PCDH9: variants seen among roughly 807,000 people sequenced by gnomAD.
PCDH9 encodes the protein protocadherin-9.
In PCDH9, 24 loss-of-function variants were observed where a neutral mutation model predicts 70.6. That is an observed-to-expected ratio of 0.34 (90% CI 0.25 to 0.48). The LOEUF is 0.48. Among genes scored for constraint, PCDH9 ranks in the 20% least tolerant of loss-of-function variants. The pLI, the probability that PCDH9 is intolerant of heterozygous loss-of-function variation, is 0.99. For synonymous variants in PCDH9, 562 were observed against 558.5 expected (o/e 1.01, Z -0.09); for missense variants, 1,281 against 1,503.6 (o/e 0.85, Z 2.45).
chr13:66,428,515 C>T (rs958443793), intron 4 of PCDH9, among the ~76,000 whole-genome samples: 2 of 151,796 alleles, frequency 1.3e-5, no homozygotes, highest in East Asian at 3.9e-4. Context: ...TTATTGACAA[C>T]TTTTAGTCCG....
intron 2 of PCDH9, among the ~76,000 whole-genome samples, chr13:66,942,067 A>G (rs1020417910): frequency 2.0e-5 from 3 of 151,936 alleles, no homozygotes; most frequent in African/African-American, 7.2e-5. Context: ...AATATAACCC[A>G]TGGGCCAAAG....
At chr13:66,616,084 G>T (rs1026340272) in intron 4 of PCDH9, among the ~76,000 whole-genome samples, 1 of 152,172 alleles carries the variant, frequency 6.6e-6, no homozygotes, top group South Asian at 2.1e-4. Context: ...TCATACCCTT[G>T]TCTATGCAGT....
chr13:66,537,523 G>T (rs1960760731), intron 4 of PCDH9, among the ~76,000 whole-genome samples: 1 of 152,114 alleles, frequency 6.6e-6, no homozygotes, highest in East Asian at 1.9e-4. Context: ...TGGGCCAAGA[G>T]CATTCCAGGC....
chr13:66,932,679 T>C lies in PCDH9; in HGVS notation c.3037-29074A>G, dbSNP rs142929978. On this transcript the variant is annotated intron_variant, in intron 2 of 4. Coordinates refer to ENST00000377865, the MANE Select transcript of PCDH9 (RefSeq NM_203487.3). ...CCTCACATATATATATATATATATA[T>C]ATACACACACACACACGTATGTATA... Among the ~76,000 whole-genome samples, 826 of 143,338 alleles carry C rather than the reference T, an allele frequency of 5.8e-3. 37 individuals are homozygous for C. Among genetic ancestry groups the C allele is most frequent in the Admixed American group, 0.051 (742 of 14,590 alleles). The allele number at this position is 143,338 out of a possible 152,430, so 94.0% of individuals were successfully genotyped here.
chr13:66,613,059 G>A (rs2077312056), intron 4 of PCDH9, among the ~76,000 whole-genome samples: 1 of 152,110 alleles, frequency 6.6e-6, no homozygotes, highest in Non-Finnish European at 1.5e-5. Flanking sequence ...ACTTCTGAGG[G>A]TGGGGGAAAC....
chr13:66,993,613 A>G (rs2084047230), intron 2 of PCDH9, among the ~76,000 whole-genome samples: 1 of 152,192 alleles, frequency 6.6e-6, no homozygotes, highest in Non-Finnish European at 1.5e-5. Context: ...TATCCTCCTC[A>G]TACCTTGGTT....
intron 4 of PCDH9, among the ~76,000 whole-genome samples, chr13:66,342,812 T>TTATG (rs2138149175): frequency 6.6e-6 from 1 of 151,134 alleles, no homozygotes; most frequent in African/African-American, 2.4e-5. Context: ...ATTTATTTAT[T>TTATG]TATTTATTTA....
At chr13:67,053,878 T>A (rs1051574083) in intron 2 of PCDH9, among the ~76,000 whole-genome samples, 1 of 152,226 alleles carries the variant, frequency 6.6e-6, no homozygotes, top group African/African-American at 2.4e-5. Context: ...AAACAATTTA[T>A]AACAATTAAC....
intron 4 of PCDH9, among the ~76,000 whole-genome samples, chr13:66,462,779 G>A (rs1442623842): frequency 6.6e-6 from 1 of 151,656 alleles, no homozygotes; most frequent in African/African-American, 2.4e-5. Context: ...GGGCCTGCAG[G>A]TCAGTCCCCA....
At chr13:66,968,367 T>C (rs2078742823) in intron 2 of PCDH9, among the ~76,000 whole-genome samples, 1 of 152,040 alleles carries the variant, frequency 6.6e-6, no homozygotes, top group Non-Finnish European at 1.5e-5. Context: ...GGTATACTTC[T>C]ATTAAAGATG....
intron 4 of PCDH9, among the ~76,000 whole-genome samples, chr13:66,320,693 G>A (rs1013434276): frequency 2.0e-5 from 3 of 151,860 alleles, no homozygotes; most frequent in African/African-American, 4.9e-5. Flanking sequence ...GGGAGAATCT[G>A]TATCTATATG....
intron 3 of PCDH9, among the ~76,000 whole-genome samples, chr13:66,774,996 T>C (rs898238447): frequency 6.6e-6 from 1 of 152,220 alleles, no homozygotes; most frequent in Non-Finnish European, 1.5e-5. Flanking sequence ...ATTATAATTA[T>C]CAGATTCTAT....
intron 3 of PCDH9, among the ~76,000 whole-genome samples, chr13:66,871,847 C>A (rs1050902463): frequency 2.6e-5 from 4 of 151,956 alleles, no homozygotes; most frequent in African/African-American, 9.7e-5. Flanking sequence ...CTCAACATTT[C>A]TTATTCTCTT....
chr13:66,432,496 A>G (rs1030888575), intron 4 of PCDH9, among the ~76,000 whole-genome samples: 3 of 152,008 alleles, frequency 2.0e-5, no homozygotes, highest in African/African-American at 7.2e-5. Flanking sequence ...TAATTTTTGT[A>G]ACAATATGTA....
chr13:66,717,231 G>A (rs992325092), intron 3 of PCDH9, among the ~76,000 whole-genome samples: 7 of 151,504 alleles, frequency 4.6e-5, no homozygotes, highest in Non-Finnish European at 8.8e-5. Flanking sequence ...CGAGGCGAGC[G>A]GATCACCTGA....
intron 4 of PCDH9, among the ~76,000 whole-genome samples, chr13:66,416,673 G>A (rs983984978): frequency 6.6e-6 from 1 of 152,026 alleles, no homozygotes; most frequent in Non-Finnish European, 1.5e-5. Flanking sequence ...GTCCAACAGC[G>A]ACTTGACCTG....
At chr13:67,043,088 T>C (rs1330384472) in intron 2 of PCDH9, among the ~76,000 whole-genome samples, 1 of 152,174 alleles carries the variant, frequency 6.6e-6, no homozygotes, top group Non-Finnish European at 1.5e-5. Flanking sequence ...ACCTAGGCAA[T>C]GTATACAAAG....
At chr13:66,391,146 G>C (rs1957010017) in intron 4 of PCDH9, among the ~76,000 whole-genome samples, 1 of 152,070 alleles carries the variant, frequency 6.6e-6, no homozygotes, top group South Asian at 2.1e-4. Context: ...TTAGTCTAAT[G>C]CTGTAATATA....
intron 3 of PCDH9, among the ~76,000 whole-genome samples, chr13:66,759,125 A>G (rs2079582840): frequency 6.6e-6 from 1 of 151,564 alleles, no homozygotes; most frequent in Non-Finnish European, 1.5e-5. Flanking sequence ...TTTTTCTCTG[A>G]TCTTTACTGC....
Sources: gnomAD v4.1 joint callset for allele counts (sites outside exome capture counted in the v4.1 genomes callset) on GRCh38, gnomAD v4.1.1 for gene constraint, MANE v1.5 for transcripts, NCBI Gene and HGNC (gene_info 2026-07-23, HGNC 2026-07-21) for gene names.